IGFL2: variants seen among roughly 807,000 people sequenced by gnomAD.
IGFL2 encodes the protein IGF like family member 2.
In IGFL2, 7 loss-of-function variants were observed where a neutral mutation model predicts 13.9. The ratio of observed to expected loss-of-function variants is 0.51; its 90% CI spans 0.29 to 0.95. IGFL2 has a LOEUF of 0.95. Ranked by LOEUF, IGFL2 falls within the 40% of genes least tolerant of loss-of-function variation. IGFL2 has a pLI of 0.08. For missense variants in IGFL2, 138 were observed against 147.8 expected, an observed-to-expected ratio of 0.93 and a Z score of 0.34; for synonymous variants, 55 against 55.8, an observed-to-expected ratio of 0.99 and a Z score of 0.07.
At chr19:46,193,573 A>T in the IGFL2 span, among the ~76,000 whole-genome samples, 1 of 152,132 alleles carries the variant, frequency 6.6e-6, no homozygotes. Context: ...TCTCCACTTA[A>T]TAAGGAAAGA....
chr19:46,171,315 A>C, the IGFL2 span, among the ~76,000 whole-genome samples: 1 of 152,164 alleles, frequency 6.6e-6, no homozygotes, highest in Non-Finnish European at 1.5e-5. Context: ...GCCAGGAGCT[A>C]AGTCAAGGGG....
At chr19:46,081,558 C>T in the IGFL2 span, among the ~76,000 whole-genome samples, 2 of 152,276 alleles carry the variant, frequency 1.3e-5, no homozygotes, top group East Asian at 1.9e-4. Context: ...GATAGTTCTT[C>T]CTTAAGCCTT....
the IGFL2 span, among the ~76,000 whole-genome samples, chr19:46,186,628 A>G: frequency 6.6e-6 from 1 of 152,238 alleles, no homozygotes; most frequent in Non-Finnish European, 1.5e-5. Flanking sequence ...CTCCTTCCCC[A>G]GGAAACCTCT....
the IGFL2 span, among the ~76,000 whole-genome samples, chr19:46,180,901 A>G: frequency 6.6e-6 from 1 of 152,182 alleles, no homozygotes; most frequent in Admixed American, 6.5e-5. Flanking sequence ...TCTTTGGCCT[A>G]CTTTTCCTAG....
the IGFL2 span, among the ~76,000 whole-genome samples, chr19:46,127,057 C>T: frequency 6.6e-6 from 1 of 152,056 alleles, no homozygotes; most frequent in African/African-American, 2.4e-5. Flanking sequence ...TCAAGCTTTT[C>T]GTATTTTCTC....
At chr19:46,133,086 C>T in the IGFL2 span, among the ~76,000 whole-genome samples, 1 of 152,120 alleles carries the variant, frequency 6.6e-6, no homozygotes, top group African/African-American at 2.4e-5. Context: ...ACTCAACCAG[C>T]TTGGCGACAC....
chr19:46,147,743 G>A (rs927777949), upstream of IGFL2: 2 of 152,606 alleles, frequency 1.3e-5, no homozygotes, highest in African/African-American at 4.8e-5. Context: ...ATCATTAAAA[G>A]TCTTGCTTCC....
At chr19:46,205,756 G>A in the IGFL2 span, among the ~76,000 whole-genome samples, 1 of 152,188 alleles carries the variant, frequency 6.6e-6, no homozygotes, top group Admixed American at 6.5e-5. Context: ...CACATTACCA[G>A]TGTCAGCACT....
chr19:46,145,052 C>A (rs988170277), upstream of IGFL2, among the ~76,000 whole-genome samples: 1 of 152,024 alleles, frequency 6.6e-6, no homozygotes, highest in Non-Finnish European at 1.5e-5. Context: ...GAGTTGTTTC[C>A]ACTTTTTTGC....
chr19:46,148,749 G>A, intron 1 of IGFL2: 1 of 881,886 alleles, frequency 1.1e-6, no homozygotes, highest in South Asian at 1.8e-5. Context: ...AGAAAGGAGG[G>A]AGGATTATAG....
chr19:46,170,967 C>T, the IGFL2 span, among the ~76,000 whole-genome samples: 13 of 152,110 alleles, frequency 8.5e-5, no homozygotes, highest in Middle Eastern at 3.2e-3. Flanking sequence ...GATCTTTTGT[C>T]GCCCTTGAAG....
At chr19:46,137,217 G>T in the IGFL2 span, 1 of 1,535,336 alleles carries the variant, frequency 6.5e-7, no homozygotes, top group Non-Finnish European at 9.0e-7. Flanking sequence ...GAAATCTTGG[G>T]CCCACGGCAG....
chr19:46,102,091 ATTTTCCCT>A, the IGFL2 span, among the ~76,000 whole-genome samples: 12 of 152,062 alleles, frequency 7.9e-5, no homozygotes, highest in East Asian at 2.3e-3. Context: ...AAAGAAGTAA[ATTTTCCCT>A]GTGTCTTTAG....
chr19:46,170,810 G>A, the IGFL2 span, among the ~76,000 whole-genome samples: 2 of 152,268 alleles, frequency 1.3e-5, no homozygotes, highest in African/African-American at 4.8e-5. Context: ...TTCCAGCCTG[G>A]CGAATTCTAG....
chr19:46,118,632 G>A, the IGFL2 span, among the ~76,000 whole-genome samples: 1 of 152,224 alleles, frequency 6.6e-6, no homozygotes, highest in Non-Finnish European at 1.5e-5. Context: ...CCTCAGATGG[G>A]CACCATTTTG....
the IGFL2 span, among the ~76,000 whole-genome samples, chr19:46,114,694 A>G: frequency 1.3e-5 from 2 of 152,174 alleles, no homozygotes; most frequent in African/African-American, 2.4e-5. Flanking sequence ...TCCTGCCACC[A>G]TGTAAGATAC....
chr19:46,117,089 C>G, the IGFL2 span, among the ~76,000 whole-genome samples: 1 of 151,906 alleles, frequency 6.6e-6, no homozygotes, highest in Non-Finnish European at 1.5e-5. Flanking sequence ...TTTATTTTGA[C>G]TATTTTTTTC....
chr19:46,120,281 T>G, the IGFL2 span: 1 of 1,609,138 alleles, frequency 6.2e-7, no homozygotes, highest in Non-Finnish European at 8.5e-7. Context: ...GTCCAGCTGC[T>G]TCGTCTCTTC....
At chr19:46,113,398 GGGGACATTT>G in the IGFL2 span, 1 of 398,336 alleles carries the variant, frequency 2.5e-6, no homozygotes, top group South Asian at 1.9e-5. Flanking sequence ...GATCAATCAT[GGGGACATTT>G]GGAAACTTCC....
Sources: gnomAD v4.1 joint callset for allele counts (sites outside exome capture counted in the v4.1 genomes callset) on GRCh38, gnomAD v4.1.1 for gene constraint, MANE v1.5 for transcripts, NCBI Gene and HGNC (gene_info 2026-07-23, HGNC 2026-07-21) for gene names.